Variants in CCDC102A observed in about 807,000 individuals in gnomAD.
The protein encoded by CCDC102A is coiled-coil domain-containing protein 102A.
In CCDC102A, 40 loss-of-function variants were observed where a neutral mutation model predicts 55.5. The ratio of observed to expected loss-of-function variants is 0.72; its 90% CI spans 0.56 to 0.94. The LOEUF (loss-of-function observed/expected upper bound fraction) is 0.94, where lower values mean the gene tolerates loss of function less well. CCDC102A is among the 40% of genes least tolerant of loss of function. The pLI is 0.00. For synonymous variants in CCDC102A, 323 were observed against 339.0 expected (o/e 0.95, Z 0.52); for missense variants, 779 against 768.6 (o/e 1.01, Z -0.16).
intron 8 of CCDC102A, among the ~76,000 whole-genome samples, chr16:57,513,897 C>CA (rs2031909861): frequency 6.6e-6 from 1 of 152,230 alleles, no homozygotes; most frequent in Non-Finnish European, 1.5e-5. Flanking sequence ...AAGATCTCAG[C>CA]AAACAGCAGC....
In CCDC102A at chr16:57,512,826, C is replaced by T; in HGVS notation, c.1568G>A (p.Arg523His). Residue 523 changes from arginine (R) to histidine (H), a missense_variant, in exon 9 of 9, where the codon CGC becomes CAC. Physicochemically the swap from Arg to His is conservative, Grantham distance 29. Transcript: ENST00000258214. ...CTCCTCGGTGCCAAAGCGAGCACTGCGGATCTTCCCGAAGAGGGGAGCGTT... is the reference window on the plus strand; with the variant it reads ...CTCCTCGGTGCCAAAGCGAGCACTGTGGATCTTCCCGAAGAGGGGAGCGTT... ...QQNAPLFGKI[R>H]SARFGTEEAE... 5.6e-6 allele frequency: 9 copies of T among 1,613,952 alleles called. No homozygotes were observed. The highest frequency in any genetic ancestry group is 5.3e-5 in the African/African-American group (4 of 75,060).
Position 57,526,135 on chromosome 16 carries a change from G to T in CCDC102A, c.586-8C>A. 4.6e-6 allele frequency: 7 copies of T among 1,525,710 alleles called. No individual in the cohort carries two copies. The highest frequency in any genetic ancestry group is 6.1e-6 in the Non-Finnish European group (7 of 1,143,596). The allele number at this position is 1,525,710 out of a possible 1,614,324, so 94.5% of individuals were successfully genotyped here. A position where few individuals can be genotyped will look rare whatever the true frequency, so the allele number is the denominator to read the frequency against. ...CTCCACCAGCTCCAGTTCCTGCGGGGACCAAGGTGGAGGCTGGACCAGTGG... is the reference window on the plus strand; with the variant it reads ...CTCCACCAGCTCCAGTTCCTGCGGGTACCAAGGTGGAGGCTGGACCAGTGG... On this transcript the variant is annotated splice_region_variant and splice_polypyrimidine_tract_variant and intron_variant, in intron 2 of 8. Transcript: ENST00000258214.
intron 1 of CCDC102A, among the ~76,000 whole-genome samples, chr16:57,535,008 C>T (rs1567608073): frequency 6.6e-6 from 1 of 152,210 alleles, no homozygotes; most frequent in African/African-American, 2.4e-5. Flanking sequence ...GTGCCCCAAC[C>T]CCTTCCCCGG....
intron 6 of CCDC102A, among the ~76,000 whole-genome samples, chr16:57,517,188 C>G (rs189327498): frequency 3.9e-4 from 59 of 152,204 alleles, no homozygotes; most frequent in Admixed American, 2.1e-3. Flanking sequence ...CACATCCCCC[C>G]GCTCACTCCC....
At position 57,516,075 on chromosome 16, in the gene CCDC102A, TC is replaced by T. The variant is rs2031949639; in HGVS notation, c.1419+217del. On this transcript the variant is annotated intron_variant, in intron 7 of 8. Coordinates refer to ENST00000258214, the MANE Select transcript of CCDC102A (RefSeq NM_033212.4). The surrounding 1 kb of genome is among the most constrained non-coding windows in gnomAD (Gnocchi z 4.4). ...ATTGGTTCATCCATGCACACATCCA[TC>T]TTGTCTTCTGTTCATTTTTCTTCCC... 6.6e-6 allele frequency among the ~76,000 whole-genome samples: 1 copy of T among 152,098 alleles called. No individual in the cohort carries two copies. The highest frequency in any genetic ancestry group is 1.5e-5 in the Non-Finnish European group (1 of 68,014).
chr16:57,513,482 G>A lies in CCDC102A; in HGVS notation c.1524-612C>T, dbSNP rs75371098. Among the ~76,000 whole-genome samples the A allele has an allele frequency of 1.6e-4, 25 of 152,302 alleles. No homozygotes were observed. In the East Asian group the frequency reaches 4.6e-3, roughly 28 times the overall value. On this transcript the variant is annotated intron_variant, in intron 8 of 8. Coordinates refer to ENST00000258214, the MANE Select transcript of CCDC102A (RefSeq NM_033212.4). Reference sequence around the variant, plus strand: ...TAACACGTAAGGGAGGGGCACAGGCGGGGGCCTCCATTACTGCACAGTGAT... The same window carrying A: ...TAACACGTAAGGGAGGGGCACAGGCAGGGGCCTCCATTACTGCACAGTGAT...
chr16:57,516,607 T>A lies in CCDC102A; in HGVS notation c.1249-144A>T. On this transcript the variant is annotated intron_variant, in intron 6 of 8. Transcript: ENST00000258214. This position sits in a 1 kb window ranked among gnomAD's most constrained non-coding sequence, Gnocchi z 4.4. ...GAATCTCTCCATCTGTTGTCTGAAG[T>A]ATCAGCAGTAGAGGTTTGGCTGAGC... 1.4e-6 allele frequency: 1 copy of A among 710,430 alleles called. No homozygotes were observed. Among genetic ancestry groups the A allele is most frequent in the Non-Finnish European group, 2.4e-6 (1 of 418,412 alleles). The allele number at this position is 710,430 out of a possible 1,614,324, so 44.0% of individuals were successfully genotyped here.
At chr16:57,514,596 C>T (rs2031920837) in intron 8 of CCDC102A, among the ~76,000 whole-genome samples, 1 of 152,224 alleles carries the variant, frequency 6.6e-6, no homozygotes. Context: ...GAAACTGACA[C>T]AGAGAGGTTA....
chr16:57,517,023 C>T (rs532002798), intron 6 of CCDC102A, among the ~76,000 whole-genome samples: 3 of 152,288 alleles, frequency 2.0e-5, no homozygotes, highest in South Asian at 2.1e-4. Context: ...CTACTGACTG[C>T]AACCTGGTCC....
chr16:57,536,768 C>T (rs1401636313), upstream of CCDC102A, among the ~76,000 whole-genome samples: 2 of 152,288 alleles, frequency 1.3e-5, no homozygotes, highest in South Asian at 4.1e-4. Context: ...GCGGTGGGCT[C>T]TGCTGCAGAG....
At chr16:57,532,487 C>T (rs1390103638) in intron 1 of CCDC102A, among the ~76,000 whole-genome samples, 1 of 152,160 alleles carries the variant, frequency 6.6e-6, no homozygotes, top group Admixed American at 6.6e-5. Context: ...AACATCTGTG[C>T]ACACACAGAC....
At chr16:57,523,320 T>C (rs972677366) in intron 3 of CCDC102A, among the ~76,000 whole-genome samples, 44 of 152,192 alleles carry the variant, frequency 2.9e-4, no homozygotes, top group African/African-American at 1.0e-3. Flanking sequence ...CAGGACTGGT[T>C]CTCTGAGGGC....
At chr16:57,521,399 G>T (rs1188160669) in intron 3 of CCDC102A, among the ~76,000 whole-genome samples, 1 of 152,204 alleles carries the variant, frequency 6.6e-6, no homozygotes, top group Non-Finnish European at 1.5e-5. Flanking sequence ...AGCTCACATT[G>T]TGGGGAGGTG....
chr16:57,513,648 G>T (rs545438507), intron 8 of CCDC102A, among the ~76,000 whole-genome samples: 50 of 152,384 alleles, frequency 3.3e-4, no homozygotes, highest in African/African-American at 1.2e-3. Flanking sequence ...GGAGTTTATG[G>T]CTCCTGAACA....
intron 8 of CCDC102A, among the ~76,000 whole-genome samples, chr16:57,514,234 T>A (rs1454355484): frequency 6.6e-6 from 1 of 152,140 alleles, no homozygotes; most frequent in Non-Finnish European, 1.5e-5. Flanking sequence ...TCTCACTTTG[T>A]CTCCCAGGCT....
rs2032127907 is a variant in CCDC102A at position 57,525,753 on chromosome 16, T to C, written c.812+148A>G. The C allele has an allele frequency of 6.9e-6, 5 of 728,858 alleles. No individual in the cohort carries two copies. In the African/African-American group the frequency reaches 7.3e-5, roughly 11 times the overall value. 45.1% of individuals were successfully genotyped at this position (728,858 alleles called of 1,614,324 possible). A position where few individuals can be genotyped will look rare whatever the true frequency, so the allele number is the denominator to read the frequency against. ...TGAATAAATAAAAACTTGCACTGAGTTCTTGGGTGGAACACCACTGCTCTA... is the reference window on the plus strand; with the variant it reads ...TGAATAAATAAAAACTTGCACTGAGCTCTTGGGTGGAACACCACTGCTCTA... On this transcript the variant is annotated intron_variant, in intron 3 of 8. Transcript: ENST00000258214.
At position 57,528,624 on chromosome 16, in the gene CCDC102A, T is replaced by G; in HGVS notation, c.554A>C (p.Asp185Ala). 1 of 1,278,570 alleles carries G rather than the reference T, an allele frequency of 7.8e-7. No homozygotes were observed. Among genetic ancestry groups the G allele is most frequent in the Non-Finnish European group, 9.9e-7 (1 of 1,005,112 alleles). The allele number at this position is 1,278,570 out of a possible 1,614,324, so 79.2% of individuals were successfully genotyped here. The part of the protein sequence containing the change: ...EPEAEREPVR[D>A]VGSERPPGSQ... ...GCCTGGCGGCCTCTCGGACCCGACG[T>G]CACGCACTGGCTCGCGCTCCGCTTC... is the stretch of plus-strand genomic sequence containing the variant. Residue 185 changes from aspartate (D) to alanine (A), a missense_variant, in exon 2 of 9, where the codon GAC becomes GCC. By Grantham distance (126) the Asp-to-Ala change is moderately radical (BLOSUM62 -2). Transcript: ENST00000258214.
chr16:57,528,572 CG>C lies in CCDC102A; in HGVS notation c.585+20del, dbSNP rs2032185663. 2 of 1,219,086 alleles carry C rather than the reference CG, an allele frequency of 1.6e-6. No individual in the cohort carries two copies. Among genetic ancestry groups the C allele is most frequent in the Non-Finnish European group, 2.1e-6 (2 of 972,670 alleles). The allele number at this position is 1,219,086 out of a possible 1,614,324, so 75.5% of individuals were successfully genotyped here. A position where few individuals can be genotyped will look rare whatever the true frequency, so the allele number is the denominator to read the frequency against. ...GCCCACTTCGAGACTGGAGCGCGAA[CG>C]CCCCGCCCGCGCCGCGCACCTGGCT... On this transcript the variant is annotated intron_variant, in intron 2 of 8. Transcript: ENST00000258214.
intron 3 of CCDC102A, 75 bp downstream of exon 3, chr16:57,525,826 A>C: frequency 7.6e-7 from 1 of 1,320,526 alleles, no homozygotes; most frequent in Non-Finnish European, 1.1e-6. Context: ...TCGTGAGTCT[A>C]ATGTTCTGTG....
Sources: gnomAD v4.1 joint callset for allele counts (sites outside exome capture counted in the v4.1 genomes callset) on GRCh38, gnomAD v4.1.1 for gene constraint, Gnocchi (gnomAD v3.1) non-coding constraint, MANE v1.5 for transcripts, NCBI Gene and HGNC (gene_info 2026-07-23, HGNC 2026-07-21) for gene names.